The following KIF24 variants were observed in gnomAD, a reference collection of about 807,000 sequenced individuals.
KIF24 encodes the protein kinesin-like protein KIF24.
KIF24 carries 81 observed loss-of-function variants against 118.9 expected under a neutral mutation model. That is an observed-to-expected ratio of 0.68 (90% confidence interval 0.57 to 0.82). KIF24 has a LOEUF of 0.82. Ranked by LOEUF, KIF24 falls within the 40% of genes least tolerant of loss-of-function variation. The pLI is 0.00. For missense variants in KIF24, 1,560 were observed against 1,661.6 expected, an observed-to-expected ratio of 0.94 and a Z score of 1.06; for synonymous variants, 599 against 610.0, an observed-to-expected ratio of 0.98 and a Z score of 0.27.
Position 34,311,268 on chromosome 9 carries a change from G to A in KIF24, c.79C>T (p.Gln27Ter). 6.2e-7 allele frequency: 1 copy of A among 1,611,606 alleles called. No homozygotes were observed. The highest frequency in any genetic ancestry group is 8.5e-7 in the Non-Finnish European group (1 of 1,178,414). ...YYSHFTALGL[Q>*]KIDELAKITM... Reference sequence around the variant, plus strand: ...ATCTTGGCTAATTCATCTATTTTCTGAAGGCCAAGGGCAGTGAAATGAGAA... The same window carrying A: ...ATCTTGGCTAATTCATCTATTTTCTAAAGGCCAAGGGCAGTGAAATGAGAA... The change falls in exon 2 of 13, where the codon CAG (glutamine) becomes TAG (stop). Residue 27 changes from glutamine to a stop codon, truncating the protein, a stop_gained. Coordinates refer to ENST00000402558, the MANE Select transcript of KIF24 (RefSeq NM_194313.4). LOFTEE classifies it high-confidence loss of function.
At chr9:34,301,410 A>G (rs1016837455) in intron 3 of KIF24, among the ~76,000 whole-genome samples, 1 of 151,752 alleles carries the variant, frequency 6.6e-6, no homozygotes, top group Non-Finnish European at 1.5e-5. Flanking sequence ...CACCACGCCC[A>G]ACTAATTTTT....
chr9:34,259,950 C>T (rs1834994812), intron 9 of KIF24, among the ~76,000 whole-genome samples: 1 of 152,146 alleles, frequency 6.6e-6, no homozygotes, highest in African/African-American at 2.4e-5. Flanking sequence ...GATTAAGAGA[C>T]TAACGATGCC....
In KIF24 at chr9:34,301,774, C is replaced by T. The variant is rs201011721; in HGVS notation, c.813+4478G>A. On this transcript the variant is annotated intron_variant, in intron 3 of 12. Coordinates refer to ENST00000402558, the MANE Select transcript of KIF24 (RefSeq NM_194313.4). ...ATCACTTGAGCCCAGGAGGTTGAGG[C>T]TGCAGTGTGCCATGACTGCACCACT... Among the ~76,000 whole-genome samples, 151 of 152,060 alleles carry T rather than the reference C, an allele frequency of 9.9e-4. 1 individual carries two copies. In the East Asian group the frequency reaches 0.023, roughly 23 times the overall value.
At chr9:34,276,253 T>C (rs746357738) in intron 6 of KIF24, among the ~76,000 whole-genome samples, 2 of 151,626 alleles carry the variant, frequency 1.3e-5, no homozygotes, top group Non-Finnish European at 2.9e-5. Context: ...ATACAAAAAA[T>C]TAGCCAGGGA....
At chr9:34,286,534 A>G in intron 6 of KIF24, 83 bp downstream of exon 6, 2 of 938,164 alleles carry the variant, frequency 2.1e-6, no homozygotes, top group South Asian at 2.7e-5. Context: ...ATAAGTCCAC[A>G]GTACTTGCTT....
At chr9:34,264,551 G>GC (rs909780631) in intron 8 of KIF24, among the ~76,000 whole-genome samples, 5 of 152,046 alleles carry the variant, frequency 3.3e-5, no homozygotes, top group South Asian at 2.1e-4. Context: ...ACAGATGCCC[G>GC]CAACTGCCCT....
intron 3 of KIF24, among the ~76,000 whole-genome samples, chr9:34,303,332 T>C (rs531942587): frequency 2.6e-5 from 4 of 152,234 alleles, no homozygotes; most frequent in African/African-American, 9.6e-5. Flanking sequence ...GGATTTTAAG[T>C]AAAAAAGTAT....
chr9:34,321,794 ATGAGG>A, intron 1 of KIF24, among the ~76,000 whole-genome samples: 1 of 151,840 alleles, frequency 6.6e-6, no homozygotes. Context: ...TTTTGTAGAG[ATGAGG>A]TCTCCCTATG....
In KIF24 at chr9:34,310,636, G is replaced by C. The variant is rs143647956; in HGVS notation, c.623+88C>G. The C allele has an allele frequency of 6.8e-5, 58 of 849,244 alleles. No individual in the cohort carries two copies. The African/African-American group carries it at 8.6e-4, about 13-fold the overall frequency. The allele number at this position is 849,244 out of a possible 1,614,324, so 52.6% of individuals were successfully genotyped here. A position where few individuals can be genotyped will look rare whatever the true frequency, so the allele number is the denominator to read the frequency against. On this transcript the variant is annotated intron_variant, in intron 2 of 12. Coordinates refer to ENST00000402558, the MANE Select transcript of KIF24 (RefSeq NM_194313.4). ...TATATTCATTTACTATAAATAAGGA[G>C]TAGATGCTGTCTGCTGGACATGAAG... is the stretch of plus-strand genomic sequence containing the variant.
At position 34,306,355 on chromosome 9, in the gene KIF24, TC is replaced by T; in HGVS notation, c.709del (p.Glu237ArgfsTer12). ...AATATTAATTTCTCCACGACGTACC[TC>T]CCTCATGCCCAGGGGGCGTTTTCGA... Reference protein sequence around the residue: ...CVRKRPLGMREVRRGEINIIT... With the variant: ...CVRKRPLGMRXVRRGEINIIT... On this transcript the variant is annotated frameshift_variant, in exon 3 of 13. Coordinates refer to ENST00000402558, the MANE Select transcript of KIF24 (RefSeq NM_194313.4). LOFTEE classifies it high-confidence loss of function. 2.5e-6 allele frequency: 4 copies of T among 1,610,958 alleles called. No individual in the cohort carries two copies. The highest frequency in any genetic ancestry group is 3.4e-6 in the Non-Finnish European group (4 of 1,177,280).
At chr9:34,301,214 C>T (rs1836694247) in intron 3 of KIF24, among the ~76,000 whole-genome samples, 1 of 152,144 alleles carries the variant, frequency 6.6e-6, no homozygotes, top group Admixed American at 6.6e-5. Context: ...GTAACACCTA[C>T]GTTGACCTTA....
upstream of KIF24, chr9:34,329,465 C>A (rs1332557112): frequency 6.6e-6 from 1 of 152,204 alleles, no homozygotes; most frequent in Non-Finnish European, 1.5e-5. Flanking sequence ...CAGTGTGAGA[C>A]GCGCACCTTT....
Position 34,254,498 on chromosome 9 carries a change from T to C in KIF24, c.3989A>G (p.Gln1330Arg), listed in dbSNP as rs140797044. ...ASNDFEDFVT[Q>R]LDEIMVLKSK... ...TTTCAGAACCATGATTTCATCCAGCTGGGTCACAAAATCTTCAAAATCCTG... is the reference window on the plus strand; with the variant it reads ...TTTCAGAACCATGATTTCATCCAGCCGGGTCACAAAATCTTCAAAATCCTG... Residue 1330 changes from glutamine to arginine, a missense_variant, in exon 13 of 13, where the codon CAG becomes CGG. By Grantham distance (43) the Gln-to-Arg change is conservative. Coordinates refer to ENST00000402558, the MANE Select transcript of KIF24 (RefSeq NM_194313.4). 151 of 1,613,796 alleles carry C rather than the reference T, an allele frequency of 9.4e-5. No homozygotes were observed. In the African/African-American group the frequency reaches 1.8e-3, roughly 20 times the overall value.
At chr9:34,333,644 CAAAAAAAAAAAA>C (rs34830977), upstream of KIF24, among the ~76,000 whole-genome samples, 59 of 47,112 alleles carry the variant, frequency 1.3e-3, no homozygotes, top group African/African-American at 4.6e-3. Context: ...GAGACATTGT[CAAAAAAAAAAAA>C]AAAAAAAAAA....
At chr9:34,280,469 A>T (rs906794142) in intron 6 of KIF24, among the ~76,000 whole-genome samples, 1 of 152,072 alleles carries the variant, frequency 6.6e-6, no homozygotes. Flanking sequence ...AATCCTGAGG[A>T]CCAGACTCAC....
intron 6 of KIF24, among the ~76,000 whole-genome samples, chr9:34,282,341 T>C (rs1427797102): frequency 1.3e-5 from 2 of 152,098 alleles, no homozygotes; most frequent in African/African-American, 4.8e-5. Flanking sequence ...TCCACAGAGA[T>C]AGAAATTAGT....
At chr9:34,307,118 G>C (rs1399264611) in intron 2 of KIF24, among the ~76,000 whole-genome samples, 1 of 152,140 alleles carries the variant, frequency 6.6e-6, no homozygotes, top group Non-Finnish European at 1.5e-5. Flanking sequence ...ACCCAGACTG[G>C]AGTACAGTGG....
chr9:34,287,184 A>G (rs1424283109), intron 5 of KIF24, among the ~76,000 whole-genome samples: 1 of 152,208 alleles, frequency 6.6e-6, no homozygotes, highest in Non-Finnish European at 1.5e-5. Context: ...AACTAATAAC[A>G]CAGAAGACAG....
intron 3 of KIF24, among the ~76,000 whole-genome samples, chr9:34,300,386 T>G (rs1477843894): frequency 2.0e-5 from 3 of 151,956 alleles, no homozygotes; most frequent in Non-Finnish European, 2.9e-5. Flanking sequence ...TTTTTTTTTT[T>G]GAGACAGAGT....
Sources: allele counts gnomAD v4.1 joint callset (sites outside exome capture counted in the v4.1 genomes callset), GRCh38; gene constraint gnomAD v4.1.1; transcripts MANE v1.5; gene names NCBI Gene and HGNC (gene_info 2026-07-23, HGNC 2026-07-21).